Variants in C2CD3 observed in about 807,000 individuals in gnomAD.
C2CD3 encodes C2 domain-containing protein 3.
Under a neutral mutation model 234.0 loss-of-function variants are expected in C2CD3, and 148 were observed. The observed-to-expected ratio is 0.63, with a 90% CI of 0.55 to 0.72. C2CD3 has a LOEUF of 0.72. Ranked by LOEUF, C2CD3 falls within the 30% of genes least tolerant of loss-of-function variation. The pLI is 0.00. For missense variants in C2CD3, 2,577 were observed against 2,811.5 expected (o/e 0.92, Z 1.89); for synonymous variants, 1,000 against 1,035.4 (o/e 0.97, Z 0.66).
chr11:74,103,076 G>A, intron 14 of C2CD3, 55 bp downstream of exon 14: 1 of 1,473,302 alleles, frequency 6.8e-7, no homozygotes, highest in Non-Finnish European at 9.2e-7. Context: ...AATTTGGGAG[G>A]CATTTGTCTC....
Position 74,074,318 on chromosome 11 carries a change from G to C in C2CD3, c.4886C>G (p.Ala1629Gly). The C allele has an allele frequency of 1.2e-6, 2 of 1,614,216 alleles. No homozygotes were observed. Among genetic ancestry groups the C allele is most frequent in the Non-Finnish European group, 1.7e-6 (2 of 1,180,028 alleles). ...AEVRLTQEGP[A>G]DLDGTFAVSI... The stretch of plus-strand genomic sequence containing the variant: ...GACTGCAAACGTTCCATCCAAATCA[G>C]CAGGGCCCTCCTGCGTCAGGCGGAC... The change falls in exon 24 of 33, where the codon GCT (alanine) becomes GGT (glycine). Residue 1629 changes from alanine to glycine, a missense_variant. Transcript: ENST00000334126.
chr11:74,061,805 C>T (rs1387933783), intron 24 of C2CD3, among the ~76,000 whole-genome samples: 1 of 152,134 alleles, frequency 6.6e-6, no homozygotes, highest in Non-Finnish European at 1.5e-5. Flanking sequence ...GGGCTAAATG[C>T]TCCAATTAAA....
intron 14 of C2CD3, among the ~76,000 whole-genome samples, chr11:74,102,016 C>T (rs1344821812): frequency 6.6e-6 from 1 of 152,054 alleles, no homozygotes; most frequent in Non-Finnish European, 1.5e-5. Context: ...AGCTGGGAAA[C>T]AGCTATACCA....
chr11:74,026,238 T>C (rs1166919912), intron 32 of C2CD3, among the ~76,000 whole-genome samples: 1 of 151,924 alleles, frequency 6.6e-6, no homozygotes, highest in African/African-American at 2.4e-5. Context: ...ACCCAGGAGT[T>C]TGCGGGTGCA....
intron 28 of C2CD3, among the ~76,000 whole-genome samples, chr11:74,045,876 A>G (rs1194328804): frequency 1.3e-5 from 2 of 152,024 alleles, no homozygotes; most frequent in African/African-American, 4.8e-5. Context: ...CCCAGCCTCA[A>G]TTTCATTTTT....
At chr11:74,146,747 C>CAA (rs1855227990) in intron 3 of C2CD3, among the ~76,000 whole-genome samples, 1 of 144,110 alleles carries the variant, frequency 6.9e-6, no homozygotes. Flanking sequence ...CACACACACA[C>CAA]AATTAACATA....
At chr11:74,015,134 C>T (rs1311565815) in intron 32 of C2CD3, among the ~76,000 whole-genome samples, 4 of 152,226 alleles carry the variant, frequency 2.6e-5, no homozygotes, top group Non-Finnish European at 5.9e-5. Flanking sequence ...GCCTGTTGCT[C>T]TCCCACTTCC....
At chr11:74,016,467 C>A (rs140733670) in intron 32 of C2CD3, 1 of 152,664 alleles carries the variant, frequency 6.6e-6, no homozygotes, top group Non-Finnish European at 1.5e-5. Flanking sequence ...CCTTCCAGCA[C>A]TGATACCCTA....
intron 23 of C2CD3, among the ~76,000 whole-genome samples, chr11:74,077,806 T>C (rs1955122261): frequency 4.7e-5 from 1 of 21,348 alleles, no homozygotes; most frequent in Admixed American, 4.3e-4. Context: ...TATATATATA[T>C]ATATATATAT....
At chr11:74,049,278 G>C in intron 27 of C2CD3, 59 bp downstream of exon 27, 1 of 1,393,810 alleles carries the variant, frequency 7.2e-7, no homozygotes. Context: ...ATGAGTAAAG[G>C]ATGTTCTTAT....
At chr11:74,164,879 G>A (rs1856703168) in intron 2 of C2CD3, 1 of 152,070 alleles carries the variant, frequency 6.6e-6, no homozygotes, top group African/African-American at 2.4e-5. Flanking sequence ...ACACCAGCCT[G>A]GGGAACAACA....
At chr11:74,044,132 G>C (rs1482925779) in intron 28 of C2CD3, among the ~76,000 whole-genome samples, 1 of 150,982 alleles carries the variant, frequency 6.6e-6, no homozygotes, top group Non-Finnish European at 1.5e-5. Flanking sequence ...GTGAGCCACT[G>C]CACCCAGTCC....
At chr11:74,108,517 A>T (rs1956619149) in intron 12 of C2CD3, among the ~76,000 whole-genome samples, 1 of 152,200 alleles carries the variant, frequency 6.6e-6, no homozygotes, top group South Asian at 2.1e-4. Flanking sequence ...TGCTACTCAC[A>T]ACTATATTAT....
At chr11:74,023,727 C>T (rs974252743) in intron 32 of C2CD3, among the ~76,000 whole-genome samples, 1 of 152,098 alleles carries the variant, frequency 6.6e-6, no homozygotes, top group Non-Finnish European at 1.5e-5. Context: ...TGCATTAGCA[C>T]ATAGAAAGCT....
intron 21 of C2CD3, 52 bp from the exon 22 acceptor site, chr11:74,085,022 G>C: frequency 9.6e-7 from 1 of 1,040,918 alleles, no homozygotes; most frequent in Non-Finnish European, 1.5e-6. Flanking sequence ...TTCATCAAGG[G>C]GCTAGTTTAC....
chr11:74,133,667 G>T, intron 5 of C2CD3, 110 bp from the exon 6 acceptor site: 1 of 1,144,210 alleles, frequency 8.7e-7, no homozygotes, highest in Non-Finnish European at 1.2e-6. Context: ...TACTGTAATA[G>T]TTTGCTCATC....
intron 7 of C2CD3, among the ~76,000 whole-genome samples, chr11:74,124,775 A>G (rs11608147): frequency 0.28 from 43,093 of 151,584 alleles, 7,120 homozygotes; most frequent in African/African-American, 0.46. Context: ...TCACATATAC[A>G]CTCCCCTTTG....
intron 2 of C2CD3, chr11:74,164,043 G>A (rs1162602959): frequency 9.3e-6 from 3 of 323,690 alleles, no homozygotes; most frequent in Admixed American, 6.5e-5. Context: ...ACAGAACTGG[G>A]CTAAAACTCA....
In C2CD3 at chr11:74,100,621, A is replaced by T. The variant is rs765863409; in HGVS notation, c.2636T>A (p.Met879Lys). 43 of 1,613,924 alleles carry T rather than the reference A, an allele frequency of 2.7e-5. No individual in the cohort carries two copies. Among genetic ancestry groups the T allele is most frequent in the Non-Finnish European group, 3.4e-5 (40 of 1,179,912 alleles). ...CACCTTATTCCAAGTTTCAATTACC[A>T]TCACATTGTTCTTAAGCCTTTCCAG... is the stretch of plus-strand genomic sequence containing the variant. ...KYLERLKNNV[M>K]VIETWNKVRS... Residue 879 changes from methionine (M) to lysine (K), a missense_variant, in exon 15 of 33, where the codon ATG becomes AAG. Met to Lys is a moderately conservative substitution (Grantham distance 95, BLOSUM62 -1). Coordinates refer to ENST00000334126, the MANE Select transcript of C2CD3 (RefSeq NM_001286577.2).
Sources: gnomAD v4.1 joint callset for allele counts (sites outside exome capture counted in the v4.1 genomes callset) on GRCh38, gnomAD v4.1.1 for gene constraint, MANE v1.5 for transcripts, NCBI Gene and HGNC (gene_info 2026-07-23, HGNC 2026-07-21) for gene names.